TEP1: variants seen among roughly 807,000 people sequenced by gnomAD.
TEP1 encodes the protein telomerase protein component 1.
TEP1 carries 241 observed loss-of-function variants against 306.3 expected under a neutral mutation model. The ratio of observed to expected loss-of-function variants is 0.79; its 90% CI spans 0.71 to 0.88. TEP1 has a LOEUF of 0.88. TEP1 is among the 40% of genes least tolerant of loss of function. TEP1 has a pLI of 0.00. For missense variants in TEP1, 3,051 were observed against 3,276.1 expected (o/e 0.93, Z 1.68); for synonymous variants, 1,289 against 1,305.5 (o/e 0.99, Z 0.27).
chr14:20,368,694 A>T (rs1337856080), intron 54 of TEP1, 104 bp downstream of exon 54: 4 of 1,533,660 alleles, frequency 2.6e-6, no homozygotes, highest in Admixed American at 3.8e-5. Flanking sequence ...CAGAATTTTG[A>T]TCTTTTGCCC....
At chr14:20,376,985 G>A (rs1885211039) in intron 41 of TEP1, among the ~76,000 whole-genome samples, 1 of 152,156 alleles carries the variant, frequency 6.6e-6, no homozygotes, top group South Asian at 2.1e-4. Context: ...GGAGGCCGAG[G>A]TGGGTGGATC....
chr14:20,396,948 A>T (rs1878256640), intron 9 of TEP1, among the ~76,000 whole-genome samples: 1 of 152,188 alleles, frequency 6.6e-6, no homozygotes, highest in African/African-American at 2.4e-5. Flanking sequence ...CAGAGCAAGA[A>T]GTTCAGAAAC....
In TEP1 at chr14:20,373,403, C is replaced by T; in HGVS notation, c.6682-1G>A. ...CCAGGAGGGTGTGGGTTTGGCACAC[C>T]TAGGAGGAAGGGATGGAGATGGGCT... On this transcript the variant is annotated splice_acceptor_variant, in intron 46 of 54. Coordinates refer to ENST00000262715, the MANE Select transcript of TEP1 (RefSeq NM_007110.5). LOFTEE classifies it high-confidence loss of function. 6.2e-7 allele frequency: 1 copy of T among 1,614,082 alleles called. No individual in the cohort carries two copies. Among genetic ancestry groups the T allele is most frequent in the East Asian group, 2.2e-5 (1 of 44,876 alleles).
chr14:20,386,521 C>T lies in TEP1; in HGVS notation c.2787G>A (p.Ala929=), dbSNP rs956991253. 12 of 1,613,012 alleles carry T rather than the reference C, an allele frequency of 7.4e-6. No homozygotes were observed. Among genetic ancestry groups the T allele is most frequent in the African/African-American group, 2.7e-5 (2 of 75,038 alleles). The change falls in exon 19 of 55, where the codon GCG becomes GCA. Residue 929 remains alanine, a synonymous_variant. Transcript: ENST00000262715. ...CGTGAAGGCTGATACGGTGAGGGGC[C>T]GCTCGGGCCTGCAGTGCTGGCAGCA... is the stretch of plus-strand genomic sequence containing the variant. ...RSVLPALQAR[A]APHRISLHGI...
intron 1 of TEP1, among the ~76,000 whole-genome samples, chr14:20,412,999 A>G (rs1416133737): frequency 1.9e-5 from 2 of 103,216 alleles, no homozygotes; most frequent in Non-Finnish European, 3.9e-5. Context: ...AGTCTAGCAC[A>G]TTTAAGCACA....
chr14:20,384,326 C>T (rs748026841), intron 23 of TEP1, 65 bp downstream of exon 23: 301 of 1,610,672 alleles, frequency 1.9e-4, no homozygotes, highest in Admixed American at 6.7e-4. Context: ...CTACTTCCTC[C>T]CCAGGACAAC....
At chr14:20,411,896 T>C (rs1594385155) in intron 1 of TEP1, among the ~76,000 whole-genome samples, 1 of 151,990 alleles carries the variant, frequency 6.6e-6, no homozygotes, top group African/African-American at 2.4e-5. Flanking sequence ...GAGAATCACT[T>C]GAGGTCAGGA....
At chr14:20,404,863 A>ACAGC in intron 4 of TEP1, 91 bp from the exon 5 acceptor site, 2 of 1,443,582 alleles carry the variant, frequency 1.4e-6, no homozygotes, top group Non-Finnish European at 1.9e-6. Flanking sequence ...GTGCCTGTAT[A>ACAGC]AAACCTTTCC....
intron 39 of TEP1, 108 bp from the exon 40 acceptor site, chr14:20,377,861 T>C: frequency 1.3e-6 from 2 of 1,496,420 alleles, no homozygotes; most frequent in Non-Finnish European, 1.8e-6. Context: ...GAGACTCTTC[T>C]CATGAGAGCT....
chr14:20,368,830 C>T lies in TEP1; in HGVS notation c.7729G>A (p.Val2577Ile), dbSNP rs1884639841. The change falls in exon 54 of 55, where the codon GTT (valine) becomes ATT (isoleucine). Residue 2577 changes from valine (V) to isoleucine (I), a missense_variant. By Grantham distance (29) the Val-to-Ile change is conservative (BLOSUM62 3). This residue lies in a region of TEP1 where 1,540 missense variants were observed against 1,705.9 expected (regional missense o/e 0.90). Coordinates refer to ENST00000262715, the MANE Select transcript of TEP1 (RefSeq NM_007110.5). Reference sequence around the variant, plus strand: ...ATACTGGGTCTCTCCCATAGCTTAACATCTCTGTCCTTCGAAGCTGTCACC... The same window carrying T: ...ATACTGGGTCTCTCCCATAGCTTAATATCTCTGTCCTTCGAAGCTGTCACC... ...LLVTASKDRD[V>I]KLWERPSMQL... The T allele has an allele frequency of 6.2e-7, 1 of 1,613,864 alleles. No individual in the cohort carries two copies. Among genetic ancestry groups the T allele is most frequent in the South Asian group, 1.1e-5 (1 of 91,066 alleles).
At chr14:20,404,865 A>C in intron 4 of TEP1, 93 bp from the exon 5 acceptor site, 2 of 1,431,334 alleles carry the variant, frequency 1.4e-6, no homozygotes, top group Non-Finnish European at 1.9e-6. Context: ...GCCTGTATAA[A>C]ACCTTTCCTG....
At chr14:20,410,907 G>A (rs574344613) in intron 1 of TEP1, among the ~76,000 whole-genome samples, 38 of 144,040 alleles carry the variant, frequency 2.6e-4, no homozygotes, top group South Asian at 2.2e-3. Flanking sequence ...CTGCAACCTC[G>A]ACTTCCCGGG....
At chr14:20,395,802 C>A in intron 11 of TEP1, 57 bp downstream of exon 11, 7 of 1,566,300 alleles carry the variant, frequency 4.5e-6, no homozygotes, top group Non-Finnish European at 6.1e-6. Context: ...GGTGCTGCTG[C>A]TTCATTTATT....
rs893238931 is a variant in TEP1 at position 20,382,814 on chromosome 14, A to G, written c.4048-99T>C. 9.1e-6 allele frequency: 10 copies of G among 1,100,234 alleles called. No homozygotes were observed. The African/African-American group carries it at 9.3e-5, about 10-fold the overall frequency. The allele number at this position is 1,100,234 out of a possible 1,614,324, so 68.2% of individuals were successfully genotyped here. A position where few individuals can be genotyped will look rare whatever the true frequency, so the allele number is the denominator to read the frequency against. ...CCTCTGCCAGGCAGCTCCTCCTCTGAGAGTCCCCAGCAGACGCCAGGTCCA... is the reference window on the plus strand; with the variant it reads ...CCTCTGCCAGGCAGCTCCTCCTCTGGGAGTCCCCAGCAGACGCCAGGTCCA... On this transcript the variant is annotated intron_variant, in intron 27 of 54. Coordinates refer to ENST00000262715, the MANE Select transcript of TEP1 (RefSeq NM_007110.5).
Position 20,390,281 on chromosome 14 carries a change from A to G in TEP1, c.2334+400T>C, listed in dbSNP as rs186268366. Among the ~76,000 whole-genome samples the G allele has an allele frequency of 7.2e-5, 11 of 152,348 alleles. No homozygotes were observed. The East Asian group carries it at 1.4e-3, about 19-fold the overall frequency. On this transcript the variant is annotated intron_variant, in intron 15 of 54. Transcript: ENST00000262715. ...AATGTAATAAATACTCAAAATGTAT[A>G]ACTTCCTAATAATTTTACTACATTT...
chr14:20,411,332 C>T (rs527947652), intron 1 of TEP1, among the ~76,000 whole-genome samples: 14 of 152,320 alleles, frequency 9.2e-5, no homozygotes, highest in South Asian at 4.1e-4. Context: ...CTCTTGACTA[C>T]GGGCCTGTGC....
At chr14:20,374,624 C>T in intron 43 of TEP1, 88 bp from the exon 44 acceptor site, 2 of 876,570 alleles carry the variant, frequency 2.3e-6, no homozygotes, top group Admixed American at 2.8e-5. Flanking sequence ...AGGCGGTTAG[C>T]CACGTAATTA....
At chr14:20,386,394 C>T in intron 19 of TEP1, 53 bp downstream of exon 19, 5 of 1,574,266 alleles carry the variant, frequency 3.2e-6, no homozygotes, top group Non-Finnish European at 4.3e-6. Flanking sequence ...CTCAGGTCCA[C>T]CACTCAAGCC....
rs147809260 is a variant in TEP1, at chr14:20,373,102, G to C, written c.6860C>G (p.Ala2287Gly). Residue 2287 changes from alanine (A) to glycine (G), a missense_variant, in exon 48 of 55, where the codon GCT (alanine) becomes GGT (glycine). Ala to Gly is a moderately conservative substitution (Grantham distance 60). Coordinates refer to ENST00000262715, the MANE Select transcript of TEP1 (RefSeq NM_007110.5). ...PRSSAAVTAV[A>G]WAPDGSMAVS... ...TGCCATGGAACCATCTGGTGCCCAA[G>C]CCACAGCAGTGACGGCTGCAGAACT... The C allele has an allele frequency of 2.2e-5, 36 of 1,614,212 alleles. No individual in the cohort carries two copies. The African/African-American group carries it at 4.8e-4, about 22-fold the overall frequency.
Sources: gnomAD v4.1 joint callset for allele counts (sites outside exome capture counted in the v4.1 genomes callset) on GRCh38, gnomAD v4.1.1 for gene constraint, gnomAD v4.1.1 regional missense constraint, MANE v1.5 for transcripts, NCBI Gene and HGNC (gene_info 2026-07-23, HGNC 2026-07-21) for gene names.